Variants in THNSL1 observed in about 807,000 individuals in gnomAD.
THNSL1 encodes the protein threonine synthase-like 1.
Under a neutral mutation model 50.4 loss-of-function variants are expected in THNSL1, and 48 were observed. The observed-to-expected ratio is 0.95, with a 90% CI of 0.76 to 1.21. The LOEUF is 1.21. THNSL1 is among the 50% of genes most tolerant of loss of function. THNSL1 has a pLI of 0.00. For missense variants in THNSL1, 896 were observed against 871.7 expected (o/e 1.03, Z -0.35); for synonymous variants, 309 against 306.1 (o/e 1.01, Z -0.10).
In THNSL1 at chr10:25,024,730, G is replaced by C; in HGVS notation, c.1507G>C (p.Asp503His). The C allele has an allele frequency of 6.2e-7, 1 of 1,614,124 alleles. No homozygotes were observed. Among genetic ancestry groups the C allele is most frequent in the Non-Finnish European group, 8.5e-7 (1 of 1,180,022 alleles). ...QGFISFGSPV[D>H]VCIPTGNFGN... ...ATTTATTTCTTTTGGAAGCCCAGTCGATGTCTGTATTCCCACAGGAAACTT... is the reference window on the plus strand; with the variant it reads ...ATTTATTTCTTTTGGAAGCCCAGTCCATGTCTGTATTCCCACAGGAAACTT... Residue 503 changes from aspartate (D) to histidine (H), a missense_variant, in exon 3 of 3, where the codon GAT (aspartate) becomes CAT (histidine). Asp to His is a moderately conservative substitution (Grantham distance 81). Transcript: ENST00000376356.
the THNSL1 span, among the ~76,000 whole-genome samples, chr10:24,967,752 G>C: frequency 6.6e-6 from 1 of 151,664 alleles, no homozygotes; most frequent in Non-Finnish European, 1.5e-5. Context: ...TATGTATGAT[G>C]TATGTATATG....
At chr10:24,990,701 G>A in the THNSL1 span, 1 of 1,265,676 alleles carries the variant, frequency 7.9e-7, no homozygotes, top group Admixed American at 2.5e-5. Context: ...AAAAAGAAAT[G>A]GTACAGACTA....
the THNSL1 span, among the ~76,000 whole-genome samples, chr10:24,985,181 A>G: frequency 6.6e-6 from 1 of 152,196 alleles, no homozygotes; most frequent in East Asian, 1.9e-4. Flanking sequence ...TCAAAAATGT[A>G]CACGCAGAGT....
chr10:25,001,077 C>T, the THNSL1 span, among the ~76,000 whole-genome samples: 3 of 151,856 alleles, frequency 2.0e-5, no homozygotes, highest in African/African-American at 7.2e-5. Context: ...ATTATGTTCC[C>T]TTTATATAAT....
the THNSL1 span, among the ~76,000 whole-genome samples, chr10:25,011,399 T>C: frequency 6.6e-6 from 1 of 152,278 alleles, no homozygotes; most frequent in South Asian, 2.1e-4. Flanking sequence ...GTAGGTTGCC[T>C]ATTCACTCTG....
At chr10:25,011,768 G>C (rs551092631), upstream of THNSL1, among the ~76,000 whole-genome samples, 2 of 152,112 alleles carry the variant, frequency 1.3e-5, no homozygotes. Flanking sequence ...GAGCATAAAA[G>C]TTCAGAAAAT....
the THNSL1 span, among the ~76,000 whole-genome samples, chr10:24,973,372 G>A: frequency 5.9e-4 from 89 of 150,962 alleles, no homozygotes; most frequent in African/African-American, 2.1e-3. Flanking sequence ...TGGATCTGCT[G>A]AACAAAGGGA....
chr10:24,963,916 A>T, the THNSL1 span, among the ~76,000 whole-genome samples: 1 of 152,176 alleles, frequency 6.6e-6, no homozygotes, highest in Non-Finnish European at 1.5e-5. Context: ...GTCATTCTCT[A>T]GGTTTGGGAG....
chr10:24,952,612 G>A, the THNSL1 span: 2 of 1,565,340 alleles, frequency 1.3e-6, no homozygotes, highest in Non-Finnish European at 1.7e-6. The surrounding 1 kb of genome is among the most constrained non-coding windows in gnomAD (Gnocchi z 5.1). Context: ...AAGACGGCGC[G>A]GGAAGGAGCA....
rs202224297 is a variant in THNSL1, at chr10:25,024,607, G to A, written c.1384G>A (p.Gly462Arg). The stretch of plus-strand genomic sequence containing the variant: ...TACTGGCTTTCTTACTGTGGAATAT[G>A]GAACAATCTTAAGTTCGGCTAACTC... ...DFTGFLTVEY[G>R]TILSSANSIN... Residue 462 changes from glycine to arginine, a missense_variant, in exon 3 of 3, where the codon GGA becomes AGA. Gly to Arg is a moderately radical substitution (Grantham distance 125, BLOSUM62 -2). Transcript: ENST00000376356. 2.5e-6 allele frequency: 4 copies of A among 1,614,214 alleles called. No individual in the cohort carries two copies. The highest frequency in any genetic ancestry group is 1.1e-5 in the South Asian group (1 of 91,086).
chr10:24,999,667 T>C, the THNSL1 span: 1 of 930,754 alleles, frequency 1.1e-6, no homozygotes, highest in Non-Finnish European at 1.6e-6. Context: ...TGGAAAAGCA[T>C]AATCATAAAA....
rs760099759 is a variant in THNSL1, at chr10:25,024,007, G to C, written c.784G>C (p.Asp262His). 9 of 1,614,242 alleles carry C rather than the reference G, an allele frequency of 5.6e-6. No individual in the cohort carries two copies. In the Admixed American group the frequency reaches 1.3e-4, roughly 24 times the overall value. Residue 262 changes from aspartate (D) to histidine (H), a missense_variant, in exon 3 of 3, where the codon GAT becomes CAT. By Grantham distance (81) the Asp-to-His change is moderately conservative. Coordinates refer to ENST00000376356, the MANE Select transcript of THNSL1 (RefSeq NM_024838.5). ...SEAVIEGLAS[D>H]GGLFVPAKEF... is the part of the protein sequence containing the mutation. ...AGCTGTAATTGAGGGGTTGGCTTCT[G>C]ATGGTGGCCTCTTTGTTCCTGCAAA...
At chr10:24,989,296 A>C in the THNSL1 span, among the ~76,000 whole-genome samples, 1 of 152,106 alleles carries the variant, frequency 6.6e-6, no homozygotes, top group Non-Finnish European at 1.5e-5. Flanking sequence ...CCTCCTTTGC[A>C]GCAGACCATT....
chr10:25,015,786 G>A (rs1268567115), upstream of THNSL1: 7 of 1,312,798 alleles, frequency 5.3e-6, no homozygotes, highest in East Asian at 2.6e-5. Flanking sequence ...AAAAATTCCA[G>A]TATATGTATG....
Position 25,025,246 on chromosome 10 carries a change from A to G in THNSL1, c.2023A>G (p.Ile675Val). The G allele has an allele frequency of 6.8e-6, 11 of 1,614,216 alleles. No homozygotes were observed. Among genetic ancestry groups the G allele is most frequent in the South Asian group, 1.1e-5 (1 of 91,082 alleles). The stretch of plus-strand genomic sequence containing the variant: ...CCATTACTCAAAGTTTGCACCTGCT[A>G]TCATGCAGGCTTTAAAGATTAAAGA... ...TAHYSKFAPA[I>V]MQALKIKEIN... Residue 675 changes from isoleucine to valine, a missense_variant, in exon 3 of 3, where the codon ATC (isoleucine) becomes GTC (valine). Physicochemically the swap from Ile to Val is conservative, Grantham distance 29. Transcript: ENST00000376356.
At chr10:25,021,562 CAT>C (rs1317965117) in intron 1 of THNSL1, among the ~76,000 whole-genome samples, 178 bp from the exon 2 acceptor site, 1 of 152,284 alleles carries the variant, frequency 6.6e-6, no homozygotes, top group African/African-American at 2.4e-5. Flanking sequence ...ATGAGACACA[CAT>C]GTTTAAAAAC....
chr10:24,971,315 G>A, the THNSL1 span, among the ~76,000 whole-genome samples: 1 of 144,474 alleles, frequency 6.9e-6, no homozygotes, highest in Admixed American at 6.7e-5. Context: ...ATGTTACACA[G>A]GCTGGTCTTG....
At chr10:24,975,419 C>T in the THNSL1 span, among the ~76,000 whole-genome samples, 57 of 152,230 alleles carry the variant, frequency 3.7e-4, no homozygotes, top group Admixed American at 1.8e-3. Context: ...CCTGAGCACA[C>T]GATAGCAAAC....
the THNSL1 span, among the ~76,000 whole-genome samples, chr10:24,999,759 G>T: frequency 6.6e-6 from 1 of 152,182 alleles, no homozygotes; most frequent in Non-Finnish European, 1.5e-5. Flanking sequence ...TAGGGCAAAA[G>T]TGTTCATAGT....
Sources: gnomAD v4.1 joint callset for allele counts (sites outside exome capture counted in the v4.1 genomes callset) on GRCh38, gnomAD v4.1.1 for gene constraint, Gnocchi (gnomAD v3.1) non-coding constraint, MANE v1.5 for transcripts, NCBI Gene and HGNC (gene_info 2026-07-23, HGNC 2026-07-21) for gene names.